The following TRPC4 variants were observed in gnomAD, a reference collection of about 807,000 sequenced individuals.
TRPC4 encodes short transient receptor potential channel 4.
Under a neutral mutation model 99.4 loss-of-function variants are expected in TRPC4, and 49 were observed. The ratio of observed to expected loss-of-function variants is 0.49; its 90% CI spans 0.39 to 0.63. The LOEUF (loss-of-function observed/expected upper bound fraction) is 0.63, where lower values mean the gene tolerates loss of function less well. Among genes scored for constraint, TRPC4 ranks in the 20% least tolerant of loss-of-function variants. The pLI is 0.00. For synonymous variants in TRPC4, 454 were observed against 425.9 expected (o/e 1.07, Z -0.81); for missense variants, 898 against 1,152.9 (o/e 0.78, Z 3.20).
At chr13:37,730,291 C>T (rs1346769837) in intron 3 of TRPC4, among the ~76,000 whole-genome samples, 1 of 151,788 alleles carries the variant, frequency 6.6e-6, no homozygotes, top group Non-Finnish European at 1.5e-5. Context: ...ATATATATAT[C>T]ACGTATTTTC....
chr13:37,791,399 A>C (rs4943539), intron 1 of TRPC4, among the ~76,000 whole-genome samples: 1 of 78,102 alleles, frequency 1.3e-5, no homozygotes, highest in African/African-American at 7.5e-5. Context: ...CTGTCTCAAT[A>C]AAAAAAAAAA....
chr13:37,695,950 A>C (rs1175933502), intron 3 of TRPC4, among the ~76,000 whole-genome samples: 1 of 152,228 alleles, frequency 6.6e-6, no homozygotes, highest in Non-Finnish European at 1.5e-5. Flanking sequence ...AAAACAAAAC[A>C]AAACCAAATA....
At position 37,811,419 on chromosome 13, in the gene TRPC4, A is replaced by G. The variant is rs1485798101; in HGVS notation, c.-27-28059T>C. The stretch of plus-strand genomic sequence containing the variant: ...GAAAAAGACAGACATGATTATCCCA[A>G]ATACTGCCTTGAGAGAGTTTGCAGG... On this transcript the variant is annotated intron_variant, in intron 1 of 10. Coordinates refer to ENST00000379705, the MANE Select transcript of TRPC4 (RefSeq NM_016179.4). 3.9e-5 allele frequency among the ~76,000 whole-genome samples: 6 copies of G among 152,266 alleles called. No homozygotes were observed. The South Asian group carries it at 1.0e-3, about 26-fold the overall frequency.
intron 3 of TRPC4, among the ~76,000 whole-genome samples, chr13:37,712,191 TA>T (rs1954509362): frequency 6.6e-6 from 1 of 152,158 alleles, no homozygotes; most frequent in South Asian, 2.1e-4. Flanking sequence ...GGATTGTGGT[TA>T]TGTCCTTGAT....
chr13:37,846,691 C>T (rs929441117), intron 1 of TRPC4, among the ~76,000 whole-genome samples: 1 of 151,008 alleles, frequency 6.6e-6, no homozygotes, highest in Non-Finnish European at 1.5e-5. Context: ...TTAAAAAATG[C>T]CAGCAACAAG....
intron 2 of TRPC4, among the ~76,000 whole-genome samples, chr13:37,780,359 C>T (rs1362023877): frequency 8.6e-6 from 1 of 115,756 alleles, no homozygotes; most frequent in Non-Finnish European, 1.9e-5. Flanking sequence ...TAGGATGTTA[C>T]ATTTATTTTG....
intron 1 of TRPC4, among the ~76,000 whole-genome samples, chr13:37,796,810 A>C (rs188577378): frequency 6.6e-6 from 1 of 151,726 alleles, no homozygotes; most frequent in Admixed American, 6.6e-5. Context: ...AAAAGACTTA[A>C]GGGCTGGGTC....
At chr13:37,669,967 G>A (rs757586698) in intron 5 of TRPC4, among the ~76,000 whole-genome samples, 18 of 152,136 alleles carry the variant, frequency 1.2e-4, no homozygotes, top group Non-Finnish European at 2.4e-4. Context: ...GAGGTAATTA[G>A]GTTTATATGA....
chr13:37,859,427 C>G (rs1959207972), intron 1 of TRPC4, among the ~76,000 whole-genome samples: 1 of 151,184 alleles, frequency 6.6e-6, no homozygotes, highest in Admixed American at 6.6e-5. Flanking sequence ...TAAAAGGACA[C>G]CATCTAGACA....
intron 2 of TRPC4, among the ~76,000 whole-genome samples, chr13:37,752,651 C>G (rs17056574): frequency 0.013 from 1,914 of 151,778 alleles, 39 homozygotes; most frequent in African/African-American, 0.041. Flanking sequence ...TCAGAATGTC[C>G]TAATGTTACA....
chr13:37,650,256 C>A (rs1008106613), intron 8 of TRPC4, among the ~76,000 whole-genome samples: 1 of 152,130 alleles, frequency 6.6e-6, no homozygotes, highest in Non-Finnish European at 1.5e-5. Flanking sequence ...ATATTACTTG[C>A]TAATCCTAAT....
intron 5 of TRPC4, among the ~76,000 whole-genome samples, chr13:37,667,125 A>G (rs1423281442): frequency 6.6e-6 from 1 of 152,196 alleles, no homozygotes; most frequent in Non-Finnish European, 1.5e-5. Context: ...GGTTCCTCCT[A>G]GAATCTTTTT....
intron 8 of TRPC4, among the ~76,000 whole-genome samples, chr13:37,646,814 T>C (rs1951872289): frequency 6.6e-6 from 1 of 152,188 alleles, no homozygotes; most frequent in African/African-American, 2.4e-5. Flanking sequence ...AAAACACAAG[T>C]TAAGAGTATG....
At chr13:37,729,437 T>TA (rs59603583) in intron 3 of TRPC4, among the ~76,000 whole-genome samples, 2 of 151,582 alleles carry the variant, frequency 1.3e-5, no homozygotes, top group African/African-American at 4.8e-5. Context: ...TCTCAAAAAT[T>TA]AAAAAAAATA....
At chr13:37,824,482 AG>A (rs1193725746) in intron 1 of TRPC4, among the ~76,000 whole-genome samples, 4 of 152,046 alleles carry the variant, frequency 2.6e-5, no homozygotes, top group African/African-American at 7.2e-5. Context: ...TTTAGCATGA[AG>A]GGTTGTTGAA....
chr13:37,762,422 G>A (rs1311598057), intron 2 of TRPC4, among the ~76,000 whole-genome samples: 2 of 151,554 alleles, frequency 1.3e-5, no homozygotes, highest in African/African-American at 4.8e-5. Flanking sequence ...GCACACGTAT[G>A]TTTATTGCGG....
chr13:37,802,095 T>A (rs1259828804), intron 1 of TRPC4, among the ~76,000 whole-genome samples: 1 of 152,154 alleles, frequency 6.6e-6, no homozygotes, highest in Non-Finnish European at 1.5e-5. Flanking sequence ...TAAAATACTT[T>A]CACTGTTTTC....
intron 6 of TRPC4, 89 bp from the exon 7 acceptor site, chr13:37,655,372 TA>T (rs1952194316): frequency 2.5e-6 from 1 of 405,282 alleles, no homozygotes; most frequent in Non-Finnish European, 3.8e-6. Flanking sequence ...TGATTATATA[TA>T]TATATATATA....
At chr13:37,673,420 A>T (rs1218692143) in intron 5 of TRPC4, among the ~76,000 whole-genome samples, 1 of 152,116 alleles carries the variant, frequency 6.6e-6, no homozygotes, top group Non-Finnish European at 1.5e-5. Flanking sequence ...TCTAGTTCAG[A>T]TTATTAAATT....
Sources: allele counts gnomAD v4.1 joint callset (sites outside exome capture counted in the v4.1 genomes callset), GRCh38; gene constraint gnomAD v4.1.1; transcripts MANE v1.5; gene names NCBI Gene and HGNC (gene_info 2026-07-23, HGNC 2026-07-21).